The following KSR2 variants were observed in gnomAD, a reference collection of about 807,000 sequenced individuals.
KSR2 encodes the protein kinase suppressor of ras 2.
A neutral mutation model predicts 107.8 loss-of-function variants in KSR2; 25 were observed. The observed-to-expected ratio is 0.23, with a 90% CI of 0.17 to 0.32. The LOEUF (loss-of-function observed/expected upper bound fraction) is 0.32, where lower values mean the gene tolerates loss of function less well. Among genes scored for constraint, KSR2 ranks in the 10% least tolerant of loss-of-function variants. KSR2 has a pLI of 1.00. For missense variants in KSR2, 887 were observed against 1,268.9 expected, an observed-to-expected ratio of 0.70 and a Z score of 4.57; for synonymous variants, 480 against 507.0, an observed-to-expected ratio of 0.95 and a Z score of 0.71.
At chr12:117,927,984 C>T (rs1164784584) in intron 1 of KSR2, among the ~76,000 whole-genome samples, 4 of 152,102 alleles carry the variant, frequency 2.6e-5, no homozygotes, top group Non-Finnish European at 5.9e-5. Flanking sequence ...TAAGCCATAA[C>T]TCGCCACTGC....
intron 7 of KSR2, among the ~76,000 whole-genome samples, chr12:117,576,024 C>A (rs188619426): frequency 9.8e-5 from 15 of 152,312 alleles, no homozygotes; most frequent in African/African-American, 2.4e-4. Context: ...CTTACCCCCC[C>A]ACCCTATCCC....
At chr12:117,771,479 G>GT (rs1485218435) in intron 3 of KSR2, among the ~76,000 whole-genome samples, 1 of 152,184 alleles carries the variant, frequency 6.6e-6, no homozygotes, top group Non-Finnish European at 1.5e-5. Context: ...TCCTGAGGCT[G>GT]TGTCATGGGC....
chr12:117,904,560 T>C (rs1237335389), intron 1 of KSR2, among the ~76,000 whole-genome samples: 1 of 152,182 alleles, frequency 6.6e-6, no homozygotes, highest in Non-Finnish European at 1.5e-5. Context: ...CACAGTCCCT[T>C]CCGAATATTG....
chr12:117,894,638 C>T (rs1308511215), intron 1 of KSR2, among the ~76,000 whole-genome samples: 1 of 151,906 alleles, frequency 6.6e-6, no homozygotes, highest in Non-Finnish European at 1.5e-5. Flanking sequence ...AGCAGACTTC[C>T]CCCTAGCTGT....
chr12:117,964,511 A>G (rs1896739728), intron 1 of KSR2, among the ~76,000 whole-genome samples: 1 of 152,162 alleles, frequency 6.6e-6, no homozygotes, highest in African/African-American at 2.4e-5. Context: ...GTTCTACAGA[A>G]CATACTTTGG....
chr12:117,566,313 T>C (rs1878491943), intron 7 of KSR2, among the ~76,000 whole-genome samples: 1 of 152,056 alleles, frequency 6.6e-6, no homozygotes, highest in African/African-American at 2.4e-5. Context: ...AGAGACAGGG[T>C]TTCACCATGT....
At chr12:117,867,249 G>A (rs972706305) in intron 1 of KSR2, among the ~76,000 whole-genome samples, 5 of 152,088 alleles carry the variant, frequency 3.3e-5, no homozygotes, top group African/African-American at 7.2e-5. Context: ...CTGGGAGGTC[G>A]AAGCTGCAGT....
intron 3 of KSR2, among the ~76,000 whole-genome samples, chr12:117,787,564 C>T (rs1347192228): frequency 6.6e-6 from 1 of 151,978 alleles, no homozygotes; most frequent in African/African-American, 2.4e-5. Flanking sequence ...ACCCAGGAGG[C>T]AGAAGTTGCA....
Position 117,845,739 on chromosome 12 carries a change from A to C in KSR2, c.472+9689T>G, listed in dbSNP as rs1305534926. On this transcript the variant is annotated intron_variant, in intron 3 of 19. Coordinates refer to ENST00000339824, the MANE Select transcript of KSR2 (RefSeq NM_173598.6). ...TCTATCACTCAGGCCAAAGTCCAGCAGTGCAATCTCGGCTCACTACAGCCT... is the reference window on the plus strand; with the variant it reads ...TCTATCACTCAGGCCAAAGTCCAGCCGTGCAATCTCGGCTCACTACAGCCT... Among the ~76,000 whole-genome samples the C allele has an allele frequency of 4.0e-5, 6 of 151,058 alleles. No individual in the cohort carries two copies. In the East Asian group the frequency reaches 1.2e-3, roughly 29 times the overall value.
intron 1 of KSR2, among the ~76,000 whole-genome samples, chr12:117,967,063 T>C (rs908872918): frequency 6.6e-6 from 1 of 152,172 alleles, no homozygotes; most frequent in Non-Finnish European, 1.5e-5. Flanking sequence ...AGCTGAACCC[T>C]TCAAACATTT....
At chr12:117,602,932 G>T (rs1423932610) in intron 5 of KSR2, among the ~76,000 whole-genome samples, 1 of 152,134 alleles carries the variant, frequency 6.6e-6, no homozygotes, top group Non-Finnish European at 1.5e-5. Context: ...GATTGTAAGG[G>T]CTGGTTTCAA....
chr12:117,968,373 A>G lies in KSR2; in HGVS notation c.-118T>C. ...CACTGCGACTTCTCAACAATGTCTCATGAAGAAGAAATCCAACATCTCACA... is the reference window on the plus strand; with the variant it reads ...CACTGCGACTTCTCAACAATGTCTCGTGAAGAAGAAATCCAACATCTCACA... On this transcript the variant is annotated 5_prime_UTR_variant, in exon 1 of 20. An upstream start codon of the reference 5' UTR is lost. Coordinates refer to ENST00000339824, the MANE Select transcript of KSR2 (RefSeq NM_173598.6). 2 of 1,387,680 alleles carry G rather than the reference A, an allele frequency of 1.4e-6. No homozygotes were observed. The highest frequency in any genetic ancestry group is 1.9e-6 in the Non-Finnish European group (2 of 1,078,206). The allele number at this position is 1,387,680 out of a possible 1,614,324, so 86.0% of individuals were successfully genotyped here.
chr12:117,467,658 C>T (rs112747162), intron 19 of KSR2, among the ~76,000 whole-genome samples: 2 of 152,262 alleles, frequency 1.3e-5, no homozygotes, highest in Admixed American at 6.5e-5. Context: ...TCTGTAACAG[C>T]TAGAGAGGCA....
chr12:117,835,744 C>G (rs1016387984), intron 3 of KSR2, among the ~76,000 whole-genome samples: 5 of 152,150 alleles, frequency 3.3e-5, no homozygotes, highest in African/African-American at 1.2e-4. Flanking sequence ...TGTTAAACAT[C>G]TTCCAAGGCA....
At chr12:117,711,360 T>C (rs978410037) in intron 4 of KSR2, among the ~76,000 whole-genome samples, 1 of 152,158 alleles carries the variant, frequency 6.6e-6, no homozygotes, top group Non-Finnish European at 1.5e-5. Flanking sequence ...AGAGAAGACA[T>C]GTGCAAAGGC....
In KSR2 at chr12:117,813,758, C is replaced by T. The variant is rs558494086; in HGVS notation, c.472+41670G>A. The stretch of plus-strand genomic sequence containing the variant: ...CACATAGAATTGCCATATTATCCAG[C>T]AATCCCACTACTGAGCATTTATCCA... On this transcript the variant is annotated intron_variant, in intron 3 of 19. Coordinates refer to ENST00000339824, the MANE Select transcript of KSR2 (RefSeq NM_173598.6). 1.1e-4 allele frequency among the ~76,000 whole-genome samples: 16 copies of T among 152,278 alleles called. 1 individual carries two copies. Among genetic ancestry groups the T allele is most frequent in the African/African-American group, 3.6e-4 (15 of 41,564 alleles).
chr12:117,749,497 C>T (rs1192392740), intron 4 of KSR2, among the ~76,000 whole-genome samples: 1 of 152,090 alleles, frequency 6.6e-6, no homozygotes, highest in East Asian at 1.9e-4. Flanking sequence ...ATCTCACCGT[C>T]ATAATATCAT....
At chr12:117,555,052 G>T (rs183444128) in intron 9 of KSR2, 117 bp downstream of exon 9, 3 of 1,219,710 alleles carry the variant, frequency 2.5e-6, no homozygotes, top group Non-Finnish European at 3.5e-6. Context: ...AGAATTAGGG[G>T]AGCCGAGACG....
At chr12:117,496,440 C>T (rs1029187245) in intron 14 of KSR2, among the ~76,000 whole-genome samples, 14 of 152,168 alleles carry the variant, frequency 9.2e-5, no homozygotes, top group African/African-American at 2.9e-4. Context: ...CATCTCCTAA[C>T]GATGGGGCTG....
Sources: allele counts gnomAD v4.1 joint callset (sites outside exome capture counted in the v4.1 genomes callset), GRCh38; gene constraint gnomAD v4.1.1; transcripts MANE v1.5; gene names NCBI Gene and HGNC (gene_info 2026-07-23, HGNC 2026-07-21).